Variants in DOCK1 observed in about 807,000 individuals in gnomAD.
The protein encoded by DOCK1 is dedicator of cytokinesis 1, also known as dedicator of cytokinesis protein 1.
A neutral mutation model predicts 262.7 loss-of-function variants in DOCK1; 138 were observed. The observed-to-expected ratio is 0.53, with a 90% CI of 0.46 to 0.61. DOCK1 has a LOEUF of 0.61. DOCK1 is among the 20% of genes least tolerant of loss of function. The pLI, the probability that DOCK1 is intolerant of heterozygous loss-of-function variation, is 0.00. For missense variants in DOCK1, 1,908 were observed against 2,370.7 expected (o/e 0.80, Z 4.05); for synonymous variants, 866 against 867.4 (o/e 1.00, Z 0.03).
intron 46 of DOCK1, 141 bp from the exon 47 acceptor site, chr10:127,425,733 G>T: frequency 7.8e-7 from 1 of 1,281,670 alleles, no homozygotes; most frequent in East Asian, 2.3e-5. Context: ...GTGGTAATAT[G>T]CCTGCTGGTA....
chr10:127,348,376 C>T lies in DOCK1; in HGVS notation c.3224+4630C>T, dbSNP rs189558217. On this transcript the variant is annotated intron_variant, in intron 31 of 51. Coordinates refer to ENST00000623213, the MANE Select transcript of DOCK1 (RefSeq NM_001290223.2). The stretch of plus-strand genomic sequence containing the variant: ...AAAAGGAATGACTTTTGATTAGCAG[C>T]CAGCTTGATAATTTTGTTATGTAAG... 3.4e-4 allele frequency among the ~76,000 whole-genome samples: 51 copies of T among 152,206 alleles called. No homozygotes were observed. In the East Asian group the frequency reaches 9.5e-3, roughly 28 times the overall value.
chr10:127,074,599 G>C (rs993972607), intron 23 of DOCK1, among the ~76,000 whole-genome samples: 2 of 152,048 alleles, frequency 1.3e-5, no homozygotes, highest in Admixed American at 6.6e-5. Flanking sequence ...AAGAAAAAAG[G>C]GGCTATAAAA....
At chr10:127,323,435 A>G (rs2062623889) in intron 29 of DOCK1, among the ~76,000 whole-genome samples, 1 of 152,108 alleles carries the variant, frequency 6.6e-6, no homozygotes, top group Non-Finnish European at 1.5e-5. Flanking sequence ...AATTGTGCTG[A>G]GGCAAAGGCG....
At position 127,052,334 on chromosome 10, in the gene DOCK1, G is replaced by A. The variant is rs542809108; in HGVS notation, c.2202-347G>A. Among the ~76,000 whole-genome samples, 5 of 152,198 alleles carry A rather than the reference G, an allele frequency of 3.3e-5. No individual in the cohort carries two copies. The East Asian group carries it at 5.8e-4, about 18-fold the overall frequency. On this transcript the variant is annotated intron_variant, in intron 21 of 51. Coordinates refer to ENST00000623213, the MANE Select transcript of DOCK1 (RefSeq NM_001290223.2). ...GAGCTCAGGAGTTTGAGACCAGCCC[G>A]GGCAAATGGTGAGCTCCTGTCTCTA...
chr10:127,054,537 G>A (rs1440558224), intron 22 of DOCK1, among the ~76,000 whole-genome samples: 1 of 152,028 alleles, frequency 6.6e-6, no homozygotes, highest in East Asian at 1.9e-4. Flanking sequence ...TCTTTGTTAG[G>A]GTGAAACACA....
intron 1 of DOCK1, among the ~76,000 whole-genome samples, chr10:126,969,693 CA>C (rs2037948947): frequency 6.6e-6 from 1 of 152,108 alleles, no homozygotes; most frequent in African/African-American, 2.4e-5. Flanking sequence ...AGTTGGTACC[CA>C]AAGATGTGGG....
intron 29 of DOCK1, among the ~76,000 whole-genome samples, chr10:127,298,069 T>G (rs1321409678): frequency 6.6e-6 from 1 of 152,188 alleles, no homozygotes. Flanking sequence ...AAATAATCCA[T>G]TAAGTGTGAA....
intron 29 of DOCK1, among the ~76,000 whole-genome samples, chr10:127,274,700 A>G (rs1298026645): frequency 2.6e-5 from 4 of 152,218 alleles, no homozygotes; most frequent in Non-Finnish European, 1.5e-5. Context: ...GTTTAAAGAT[A>G]AAGAAGCGGG....
chr10:127,299,107 T>G (rs2061596244), intron 29 of DOCK1, among the ~76,000 whole-genome samples: 1 of 152,196 alleles, frequency 6.6e-6, no homozygotes, highest in African/African-American at 2.4e-5. Flanking sequence ...GGGCTCTTTA[T>G]TTTTTGTTTG....
chr10:127,372,651 C>T (rs1041497470), intron 33 of DOCK1, among the ~76,000 whole-genome samples: 3 of 152,238 alleles, frequency 2.0e-5, no homozygotes, highest in African/African-American at 7.2e-5. Flanking sequence ...TCTCACTCAG[C>T]TTAAATTCCA....
intron 45 of DOCK1, 151 bp from the exon 46 acceptor site, chr10:127,419,515 G>T (rs1222773235): frequency 1.2e-5 from 8 of 687,818 alleles, no homozygotes; most frequent in African/African-American, 1.8e-5. Flanking sequence ...TGTCCTGGGT[G>T]CTGCGAAGGG....
At chr10:127,394,245 C>T (rs558805887) in intron 38 of DOCK1, among the ~76,000 whole-genome samples, 30 of 151,578 alleles carry the variant, frequency 2.0e-4, no homozygotes, top group Non-Finnish European at 3.4e-4. Context: ...AATTTGTAGC[C>T]CAAGTGATAT....
intron 10 of DOCK1, chr10:127,007,540 G>A (rs1324297700): frequency 3.3e-5 from 5 of 152,146 alleles, no homozygotes; most frequent in Admixed American, 2.6e-4. Flanking sequence ...AAAGTGACCC[G>A]GGCCATCTGG....
intron 27 of DOCK1, among the ~76,000 whole-genome samples, chr10:127,211,788 T>C (rs892253527): frequency 6.6e-6 from 1 of 152,194 alleles, no homozygotes; most frequent in Non-Finnish European, 1.5e-5. Context: ...ATGGGAGCCC[T>C]GAATCCTCAT....
intron 32 of DOCK1, among the ~76,000 whole-genome samples, chr10:127,359,587 G>T (rs1481482478): frequency 4.6e-5 from 7 of 152,236 alleles, no homozygotes; most frequent in African/African-American, 1.7e-4. Flanking sequence ...CTTTGCAGCA[G>T]TTACAGGACT....
At chr10:127,294,851 A>G (rs2061454867) in intron 29 of DOCK1, among the ~76,000 whole-genome samples, 1 of 151,956 alleles carries the variant, frequency 6.6e-6, no homozygotes, top group Non-Finnish European at 1.5e-5. Flanking sequence ...CACATTGGCC[A>G]GGCTGGTTTC....
chr10:127,209,271 G>A (rs2057862767), intron 27 of DOCK1, among the ~76,000 whole-genome samples: 1 of 152,202 alleles, frequency 6.6e-6, no homozygotes, highest in East Asian at 1.9e-4. Context: ...TGCTTTTGGA[G>A]TTTAAGAATG....
chr10:127,175,416 G>T lies in DOCK1; in HGVS notation c.2847+47652G>T. 2 of 1,613,432 alleles carry T rather than the reference G, an allele frequency of 1.2e-6. No individual in the cohort carries two copies. Among genetic ancestry groups the T allele is most frequent in the Non-Finnish European group, 1.7e-6 (2 of 1,180,050 alleles). On this transcript the variant is annotated intron_variant, in intron 27 of 51. Transcript: ENST00000623213. The surrounding 1 kb of genome is among the most constrained non-coding windows in gnomAD (Gnocchi z 6.3). ...AGGCTGGTTCCCCAGCCCCGGCGGG[G>T]TGTGAGTCTGCGACGGCTGCTCACT...
rs1554967762 is a variant in DOCK1 at position 126,992,760 on chromosome 10, A to ACG, written c.473+2158_473+2159insGC. Among the ~76,000 whole-genome samples, 1,013 of 146,124 alleles carry ACG rather than the reference A, an allele frequency of 6.9e-3. 6 individuals are homozygous for ACG. Among genetic ancestry groups the ACG allele is most frequent in the Middle Eastern group, 0.033 (9 of 274 alleles). ...CAGACACACACACACACACACACACACACAGACAGACACAGACACACACAC... is the reference window on the plus strand; with the variant it reads ...CAGACACACACACACACACACACACACGCACAGACAGACACAGACACACACAC... On this transcript the variant is annotated intron_variant, in intron 6 of 51. Coordinates refer to ENST00000623213, the MANE Select transcript of DOCK1 (RefSeq NM_001290223.2).
Sources: gnomAD v4.1 joint callset for allele counts (sites outside exome capture counted in the v4.1 genomes callset) on GRCh38, gnomAD v4.1.1 for gene constraint, Gnocchi (gnomAD v3.1) non-coding constraint, MANE v1.5 for transcripts, NCBI Gene and HGNC (gene_info 2026-07-23, HGNC 2026-07-21) for gene names.